The following PRKN variants were observed in gnomAD, a reference collection of about 807,000 sequenced individuals.
PRKN encodes E3 ubiquitin-protein ligase parkin.
A neutral mutation model predicts 59.5 loss-of-function variants in PRKN; 56 were observed. The observed-to-expected ratio is 0.94, with a 90% CI of 0.76 to 1.18. The LOEUF (loss-of-function observed/expected upper bound fraction) is 1.18. Among genes scored for constraint, PRKN ranks in the 50% most tolerant of loss-of-function variants. PRKN has a pLI of 0.00. For missense variants in PRKN, 657 were observed against 596.4 expected (o/e 1.10, Z -1.06); for synonymous variants, 250 against 222.1 (o/e 1.13, Z -1.12).
At chr6:161,594,097 A>C (rs992148811) in intron 7 of PRKN, among the ~76,000 whole-genome samples, 22 of 152,136 alleles carry the variant, frequency 1.4e-4, no homozygotes, top group African/African-American at 5.3e-4. Flanking sequence ...CTGGAGGCAG[A>C]GGTTGCAGTG....
chr6:161,776,663 G>C (rs919036378), intron 7 of PRKN, among the ~76,000 whole-genome samples: 1 of 152,146 alleles, frequency 6.6e-6, no homozygotes, highest in South Asian at 2.1e-4. Flanking sequence ...TCTGAGGCAT[G>C]GCCTTGGCAT....
In PRKN at chr6:161,549,263, C is replaced by A. The variant is rs1024218400; in HGVS notation, c.934-260G>T. On this transcript the variant is annotated intron_variant, in intron 8 of 11. Coordinates refer to ENST00000366898, the MANE Select transcript of PRKN (RefSeq NM_004562.3). The surrounding 1 kb of genome is among the most constrained non-coding windows in gnomAD (Gnocchi z 6.0). ...TGTTTACTTTTTGCTTTTTTGTCTTCAGAAAATAGATTTTCCAAAGTTTTG... is the reference window on the plus strand; with the variant it reads ...TGTTTACTTTTTGCTTTTTTGTCTTAAGAAAATAGATTTTCCAAAGTTTTG... 6.6e-5 allele frequency among the ~76,000 whole-genome samples: 10 copies of A among 152,016 alleles called. No individual in the cohort carries two copies. The highest frequency in any genetic ancestry group is 2.4e-4 in the African/African-American group (10 of 41,382).
rs888940348 is a variant in PRKN at position 161,581,201 on chromosome 6, T to A, written c.872-11785A>T. On this transcript the variant is annotated intron_variant, in intron 7 of 11. Coordinates refer to ENST00000366898, the MANE Select transcript of PRKN (RefSeq NM_004562.3). The surrounding 1 kb of genome is among the most constrained non-coding windows in gnomAD (Gnocchi z 4.5). ...ACCAGCCTGGGCAACAGAGTGAGAC[T>A]CTGTCTCAAAAAAAAAAAAAAAGTT... 4.7e-5 allele frequency among the ~76,000 whole-genome samples: 7 copies of A among 150,434 alleles called. No individual in the cohort carries two copies. The highest frequency in any genetic ancestry group is 1.5e-4 in the African/African-American group (6 of 40,686).
intron 1 of PRKN, among the ~76,000 whole-genome samples, chr6:162,658,669 A>G (rs1200409755): frequency 1.2e-4 from 13 of 110,596 alleles, no homozygotes; most frequent in Non-Finnish European, 2.5e-4. Flanking sequence ...AAAAAAAAAA[A>G]AAAAGAAAAA....
chr6:161,804,927 T>C (rs1791243860), intron 6 of PRKN, among the ~76,000 whole-genome samples: 2 of 152,214 alleles, frequency 1.3e-5, no homozygotes, highest in Non-Finnish European at 2.9e-5. Flanking sequence ...ATTAATACTT[T>C]TATAGATAAG....
At chr6:161,789,307 C>T (rs1391299951) in intron 6 of PRKN, among the ~76,000 whole-genome samples, 1 of 152,180 alleles carries the variant, frequency 6.6e-6, no homozygotes, top group African/African-American at 2.4e-5. Context: ...GGTTAGGTGG[C>T]TTGCTAGGAA....
chr6:161,995,286 C>T (rs908842917), intron 5 of PRKN, among the ~76,000 whole-genome samples: 1 of 152,062 alleles, frequency 6.6e-6, no homozygotes, highest in African/African-American at 2.4e-5. Flanking sequence ...GGCAGAATGA[C>T]TTAAACATAA....
intron 7 of PRKN, among the ~76,000 whole-genome samples, chr6:161,730,613 A>T (rs112660397): frequency 7.5e-6 from 1 of 134,002 alleles, no homozygotes; most frequent in African/African-American, 2.9e-5. Flanking sequence ...CTGATACATC[A>T]CATTCTGATG....
intron 7 of PRKN, among the ~76,000 whole-genome samples, chr6:161,760,382 A>C (rs1789143982): frequency 1.3e-5 from 2 of 151,122 alleles, no homozygotes; most frequent in Admixed American, 6.6e-5. Flanking sequence ...ATATAAGTAA[A>C]ACAACACCTT....
intron 7 of PRKN, among the ~76,000 whole-genome samples, chr6:161,675,169 A>G (rs4709536): frequency 0.17 from 25,170 of 152,178 alleles, 2,874 homozygotes; most frequent in Admixed American, 0.38. Flanking sequence ...GCATAAATAT[A>G]GCTGGTGCTC....
intron 10 of PRKN, among the ~76,000 whole-genome samples, chr6:161,382,496 G>GC (rs542284067): frequency 1.8e-4 from 28 of 152,322 alleles, no homozygotes; most frequent in South Asian, 4.1e-4. Flanking sequence ...CTGCACTCCT[G>GC]CTGAATAGGG....
chr6:162,384,738 C>G (rs1562720403), intron 2 of PRKN, among the ~76,000 whole-genome samples: 2 of 151,500 alleles, frequency 1.3e-5, no homozygotes, highest in Admixed American at 6.6e-5. Flanking sequence ...CCTGTGATAC[C>G]AGCAAATATT....
rs1784976154 is a variant in PRKN at position 161,361,566 on chromosome 6, G to A, written c.1168-1361C>T. On this transcript the variant is annotated intron_variant, in intron 10 of 11. Transcript: ENST00000366898. This position sits in a 1 kb window ranked among gnomAD's most constrained non-coding sequence, Gnocchi z 5.2. ...AGGGGTTACCAAACATCCAAAATAG[G>A]ACCCCGTGAAATGGGCAGGGCACAT... Among the ~76,000 whole-genome samples, 1 of 152,186 alleles carries A rather than the reference G, an allele frequency of 6.6e-6. No homozygotes were observed. The highest frequency in any genetic ancestry group is 1.5e-5 in the Non-Finnish European group (1 of 68,036).
intron 9 of PRKN, among the ~76,000 whole-genome samples, chr6:161,511,522 T>C (rs1164862584): frequency 6.6e-6 from 1 of 152,148 alleles, no homozygotes; most frequent in Non-Finnish European, 1.5e-5. Flanking sequence ...TAATAATGCA[T>C]CTTTCATGGA....
chr6:161,937,103 TG>T (rs887206767), intron 6 of PRKN, among the ~76,000 whole-genome samples: 25 of 152,176 alleles, frequency 1.6e-4, no homozygotes, highest in African/African-American at 5.8e-4. Flanking sequence ...ATTTAAAAAG[TG>T]TGTAAAGGGT....
rs1784897161 is a variant in PRKN, at chr6:161,359,587, G to A, written c.1285+501C>T. Among the ~76,000 whole-genome samples the A allele has an allele frequency of 6.6e-6, 1 of 152,234 alleles. No individual in the cohort carries two copies. The highest frequency in any genetic ancestry group is 2.4e-5 in the African/African-American group (1 of 41,456). On this transcript the variant is annotated intron_variant, in intron 11 of 11. Coordinates refer to ENST00000366898, the MANE Select transcript of PRKN (RefSeq NM_004562.3). This position sits in a 1 kb window ranked among gnomAD's most constrained non-coding sequence, Gnocchi z 5.4. ...AGTGGCATGTCCAGGATAGACAGCA[G>A]GAAGTCCCCCACTGGTACTGTGAGT...
chr6:162,572,417 T>C (rs1009679785), intron 1 of PRKN, among the ~76,000 whole-genome samples: 3 of 152,212 alleles, frequency 2.0e-5, no homozygotes, highest in African/African-American at 7.2e-5. Context: ...TAATTGGCTT[T>C]GTAATCCAGC....
intron 8 of PRKN, among the ~76,000 whole-genome samples, chr6:161,559,431 C>T (rs1195096867): frequency 6.6e-6 from 1 of 152,194 alleles, no homozygotes; most frequent in Non-Finnish European, 1.5e-5. Flanking sequence ...TTGTCTGTGG[C>T]TGTAAATTAT....
intron 6 of PRKN, among the ~76,000 whole-genome samples, chr6:161,797,493 G>A (rs890015495): frequency 1.3e-5 from 2 of 152,150 alleles, no homozygotes; most frequent in African/African-American, 4.8e-5. Flanking sequence ...TCAAGCTCCT[G>A]ACCTCAAGTG....
Sources: gnomAD v4.1 joint callset for allele counts (sites outside exome capture counted in the v4.1 genomes callset) on GRCh38, gnomAD v4.1.1 for gene constraint, Gnocchi (gnomAD v3.1) non-coding constraint, MANE v1.5 for transcripts, NCBI Gene and HGNC (gene_info 2026-07-23, HGNC 2026-07-21) for gene names.